NUFIP2: variants seen among roughly 807,000 people sequenced by gnomAD.
The protein encoded by NUFIP2 is nuclear FMR1 interacting protein 2.
In NUFIP2, 6 loss-of-function variants were observed where a neutral mutation model predicts 56.9. The observed-to-expected ratio is 0.11, with a 90% CI of 0.06 to 0.21. The LOEUF is 0.21. NUFIP2 is among the 10% of genes least tolerant of loss of function. NUFIP2 has a pLI of 1.00. For missense variants in NUFIP2, 828 were observed against 826.8 expected (o/e 1.00, Z -0.02); for synonymous variants, 321 against 298.2 (o/e 1.08, Z -0.79).
intron 2 of NUFIP2, among the ~76,000 whole-genome samples, chr17:29,278,809 G>A (rs1465779140): frequency 6.6e-6 from 1 of 152,006 alleles, no homozygotes; most frequent in Non-Finnish European, 1.5e-5. Context: ...CAGTATCAAG[G>A]TGAATATATT....
intron 1 of NUFIP2, among the ~76,000 whole-genome samples, chr17:29,290,285 A>C (rs1451204722): frequency 6.6e-6 from 1 of 152,242 alleles, no homozygotes; most frequent in East Asian, 1.9e-4. Flanking sequence ...AATCAAATCA[A>C]ATTTTTGGTG....
Position 29,286,566 on chromosome 17 carries a change from T to C in NUFIP2, c.1428A>G (p.Ser476=), listed in dbSNP as rs1456153894. ...TGCTCAACAGCATAGTTTGCATATT[T>C]GAAGGATAGATAAAAAGGCTAGTCT... The part of the protein sequence containing the change: ...QIKTSLFIYP[S]NMQTMLLSTA... Residue 476 remains serine, a synonymous_variant, in exon 2 of 4, where the codon TCA becomes TCG. Transcript: ENST00000225388. 1.2e-6 allele frequency: 2 copies of C among 1,614,184 alleles called. No individual in the cohort carries two copies. Among genetic ancestry groups the C allele is most frequent in the African/African-American group, 2.7e-5 (2 of 75,036 alleles).
In NUFIP2 at chr17:29,258,624, A is replaced by G. The variant is rs1214748034; in HGVS notation, c.*5915T>C. 4 of 152,156 alleles carry G rather than the reference A, an allele frequency of 2.6e-5. No homozygotes were observed. The highest frequency in any genetic ancestry group is 2.6e-4 in the Admixed American group (4 of 15,276). The allele number at this position is 152,156 out of a possible 1,614,324, so 9.4% of individuals were successfully genotyped here. A position where few individuals can be genotyped will look rare whatever the true frequency, so the allele number is the denominator to read the frequency against. On this transcript the variant is annotated 3_prime_UTR_variant, in exon 4 of 4. Transcript: ENST00000225388. ...GTAGTAGAAGACATTTAAGGCCAAA[A>G]AGTGTACTATTAACAGAATTCTTAT...
intron 2 of NUFIP2, among the ~76,000 whole-genome samples, chr17:29,282,051 C>T (rs548125619): frequency 5.3e-5 from 8 of 151,916 alleles, no homozygotes; most frequent in African/African-American, 7.2e-5. Context: ...CGTGAGCCAC[C>T]GCACCCAGCA....
At chr17:29,292,662 C>G (rs2069223061) in intron 1 of NUFIP2, among the ~76,000 whole-genome samples, 1 of 149,382 alleles carries the variant, frequency 6.7e-6, no homozygotes, top group Non-Finnish European at 1.5e-5. Context: ...CGGCCTCCTT[C>G]CCTCTCAGCT....
chr17:29,289,726 T>C (rs2069199377), intron 1 of NUFIP2, among the ~76,000 whole-genome samples: 1 of 152,176 alleles, frequency 6.6e-6, no homozygotes, highest in Non-Finnish European at 1.5e-5. Flanking sequence ...AATAAATTAA[T>C]GGAGAAGTCT....
Position 29,261,247 on chromosome 17 carries a change from C to T in NUFIP2, c.*3292G>A, listed in dbSNP as rs946220980. On this transcript the variant is annotated 3_prime_UTR_variant, in exon 4 of 4. Coordinates refer to ENST00000225388, the MANE Select transcript of NUFIP2 (RefSeq NM_020772.3). ...TCATTCTTAGTGCCATTTTTCAATA[C>T]TACCCTTTTAAGGATTTAAACCACC... The T allele has an allele frequency of 3.9e-5, 6 of 152,064 alleles. No individual in the cohort carries two copies. Among genetic ancestry groups the T allele is most frequent in the African/African-American group, 4.8e-5 (2 of 41,410 alleles). The allele number at this position is 152,064 out of a possible 1,614,324, so 9.4% of individuals were successfully genotyped here.
chr17:29,288,761 A>G (rs1315027816), intron 1 of NUFIP2, among the ~76,000 whole-genome samples: 1 of 152,262 alleles, frequency 6.6e-6, no homozygotes, highest in Non-Finnish European at 1.5e-5. Flanking sequence ...ATCACTATGT[A>G]ATACTGCCTT....
intron 2 of NUFIP2, among the ~76,000 whole-genome samples, chr17:29,268,720 G>T (rs1317427136): frequency 6.6e-6 from 1 of 151,806 alleles, no homozygotes; most frequent in Non-Finnish European, 1.5e-5. Context: ...GTAGAGAGGG[G>T]GTTTCTCCTT....
At chr17:29,273,515 C>CACACACACACAG (rs1555548176) in intron 2 of NUFIP2, among the ~76,000 whole-genome samples, 8 of 138,956 alleles carry the variant, frequency 5.8e-5, no homozygotes, top group African/African-American at 2.2e-4. Context: ...CACACACACA[C>CACACACACACAG]ACACACACAC....
intron 2 of NUFIP2, among the ~76,000 whole-genome samples, chr17:29,271,143 T>C (rs2069069742): frequency 6.6e-6 from 1 of 152,226 alleles, no homozygotes. Context: ...ATGTGAGCTC[T>C]AGAGTAGTGA....
At chr17:29,274,252 G>A (rs994444619) in intron 2 of NUFIP2, among the ~76,000 whole-genome samples, 8 of 152,216 alleles carry the variant, frequency 5.3e-5, no homozygotes, top group Non-Finnish European at 1.0e-4. Flanking sequence ...GGGAGGCAGA[G>A]GTGGGAGGAT....
chr17:29,292,713 C>A (rs1353784809), intron 1 of NUFIP2, among the ~76,000 whole-genome samples: 1 of 149,946 alleles, frequency 6.7e-6, no homozygotes, highest in Non-Finnish European at 1.5e-5. Context: ...GCCCGCGCCT[C>A]CCGCCGCACC....
chr17:29,267,378 T>A (rs2069044597), intron 3 of NUFIP2, 120 bp downstream of exon 3: 5 of 610,916 alleles, frequency 8.2e-6, no homozygotes, highest in South Asian at 7.9e-5. Flanking sequence ...ATTGCAGTTA[T>A]TAAATAACTC....
In NUFIP2 at chr17:29,258,897, T is replaced by C. The variant is rs2068985991; in HGVS notation, c.*5642A>G. 1 of 152,226 alleles carries C rather than the reference T, an allele frequency of 6.6e-6. No individual in the cohort carries two copies. The highest frequency in any genetic ancestry group is 1.5e-5 in the Non-Finnish European group (1 of 68,040). 9.4% of individuals were successfully genotyped at this position (152,226 alleles called of 1,614,324 possible). On this transcript the variant is annotated 3_prime_UTR_variant, in exon 4 of 4. Coordinates refer to ENST00000225388, the MANE Select transcript of NUFIP2 (RefSeq NM_020772.3). ...ACAGAAAACAGTTGTATTTTCATTC[T>C]TAAAATGCAACAATATCTAATGAAA...
rs777354610 is a variant in NUFIP2 at position 29,287,367 on chromosome 17, A to G, written c.627T>C (p.Asn209=). 3.0e-5 allele frequency: 48 copies of G among 1,613,964 alleles called. No homozygotes were observed. The African/African-American group carries it at 4.4e-4, about 15-fold the overall frequency. Residue 209 remains asparagine (N), a synonymous_variant, in exon 2 of 4, where the codon AAT becomes AAC. Coordinates refer to ENST00000225388, the MANE Select transcript of NUFIP2 (RefSeq NM_020772.3). Reference sequence around the variant, plus strand: ...ATCCGCTCTCAGATCCACTACCATCATTATCTGCTCCTTTACCCATATAAC... The same window carrying G: ...ATCCGCTCTCAGATCCACTACCATCGTTATCTGCTCCTTTACCCATATAAC... The part of the protein sequence containing the change: ...TNGYMGKGAD[N]DGSGSESGYT...
rs1354394129 is a variant in NUFIP2 at position 29,261,149 on chromosome 17, CAA to C, written c.*3388_*3389del. On this transcript the variant is annotated 3_prime_UTR_variant, in exon 4 of 4. Coordinates refer to ENST00000225388, the MANE Select transcript of NUFIP2 (RefSeq NM_020772.3). The stretch of plus-strand genomic sequence containing the variant: ...ATGTGACACAGAAGCCTACAATAAT[CAA>C]AACAGATTTAAAAAGAAATCTTCAC... 1.3e-5 allele frequency: 2 copies of C among 151,910 alleles called. No homozygotes were observed. The highest frequency in any genetic ancestry group is 2.9e-5 in the Non-Finnish European group (2 of 67,934). The allele number at this position is 151,910 out of a possible 1,614,324, so 9.4% of individuals were successfully genotyped here.
At chr17:29,289,214 T>C (rs1256627747) in intron 1 of NUFIP2, among the ~76,000 whole-genome samples, 2 of 152,202 alleles carry the variant, frequency 1.3e-5, no homozygotes, top group African/African-American at 2.4e-5. Flanking sequence ...ATTCAAATAG[T>C]TTTCCACTGT....
At chr17:29,268,135 G>T (rs2069049783) in intron 2 of NUFIP2, among the ~76,000 whole-genome samples, 1 of 152,132 alleles carries the variant, frequency 6.6e-6, no homozygotes, top group Non-Finnish European at 1.5e-5. Context: ...CTGACCTCAG[G>T]TGATCCGCCC....
Sources: allele counts gnomAD v4.1 joint callset (sites outside exome capture counted in the v4.1 genomes callset), GRCh38; gene constraint gnomAD v4.1.1; transcripts MANE v1.5; gene names NCBI Gene and HGNC (gene_info 2026-07-23, HGNC 2026-07-21).